PRKCZ: variants seen among roughly 807,000 people sequenced by gnomAD.
The protein encoded by PRKCZ is protein kinase C zeta.
In PRKCZ, 33 loss-of-function variants were observed where a neutral mutation model predicts 79.5. The ratio of observed to expected loss-of-function variants is 0.41; its 90% CI spans 0.31 to 0.55. PRKCZ has a LOEUF of 0.55. Ranked by LOEUF, PRKCZ falls within the 20% of genes least tolerant of loss-of-function variation. The probability of loss-of-function intolerance (pLI) is 0.19; values close to 1 mark genes in which losing one functional copy is unlikely to be tolerated. For missense variants in PRKCZ, 578 were observed against 813.5 expected, an observed-to-expected ratio of 0.71 and a Z score of 3.52; for synonymous variants, 342 against 320.9, an observed-to-expected ratio of 1.07 and a Z score of -0.70.
rs1244306217 is a variant in PRKCZ at position 2,174,456 on chromosome 1, C to T, written c.1406-298C>T. Among the ~76,000 whole-genome samples, 6 of 152,250 alleles carry T rather than the reference C, an allele frequency of 3.9e-5. No individual in the cohort carries two copies. The highest frequency in any genetic ancestry group is 7.2e-5 in the African/African-American group (3 of 41,474). Reference sequence around the variant, plus strand: ...GGATCTGGGAACGCGGCTGTCTCCGCGGTGCCCTCTGGTGGCCAGCCTGCA... The same window carrying T: ...GGATCTGGGAACGCGGCTGTCTCCGTGGTGCCCTCTGGTGGCCAGCCTGCA... On this transcript the variant is annotated intron_variant, in intron 14 of 17. Coordinates refer to ENST00000378567, the MANE Select transcript of PRKCZ (RefSeq NM_002744.6). The surrounding 1 kb of genome is among the most constrained non-coding windows in gnomAD (Gnocchi z 6.2).
chr1:2,176,083 G>C (rs971456055), intron 16 of PRKCZ, among the ~76,000 whole-genome samples: 10 of 152,144 alleles, frequency 6.6e-5, no homozygotes, highest in African/African-American at 2.4e-4. Flanking sequence ...GACGTACACT[G>C]GCTCGATTTA....
At chr1:2,181,058 C>T (rs578202177) in intron 16 of PRKCZ, among the ~76,000 whole-genome samples, 69 of 152,072 alleles carry the variant, frequency 4.5e-4, no homozygotes, top group Non-Finnish European at 9.3e-4. Flanking sequence ...CGGGGCCTAG[C>T]CCAGCCCCCC....
intron 6 of PRKCZ, chr1:2,144,608 A>G (rs1365214752): frequency 1.5e-6 from 2 of 1,297,788 alleles, no homozygotes; most frequent in Non-Finnish European, 2.0e-6. Flanking sequence ...CGCTCTGCTC[A>G]GTGGGTCGGA....
intron 4 of PRKCZ, among the ~76,000 whole-genome samples, chr1:2,088,639 T>C (rs1030533856): frequency 2.6e-5 from 4 of 152,182 alleles, no homozygotes; most frequent in African/African-American, 9.7e-5. Flanking sequence ...CTGTGTGGAA[T>C]GTCACCTCTC....
chr1:2,126,549 G>A (rs1039626977), intron 4 of PRKCZ, among the ~76,000 whole-genome samples: 1 of 151,972 alleles, frequency 6.6e-6, no homozygotes, highest in African/African-American at 2.4e-5. Context: ...TCACATGACC[G>A]CCCTGGGCCC....
At chr1:2,056,662 TA>T in intron 3 of PRKCZ, 89 bp downstream of exon 3, 5 of 1,193,454 alleles carry the variant, frequency 4.2e-6, no homozygotes, top group Non-Finnish European at 5.9e-6. Context: ...TAAAATGGTT[TA>T]AAATCCTATG....
At chr1:2,179,820 G>A (rs1024678145) in intron 16 of PRKCZ, among the ~76,000 whole-genome samples, 4 of 152,114 alleles carry the variant, frequency 2.6e-5, no homozygotes, top group African/African-American at 2.4e-5. Flanking sequence ...ACTTTCCCAC[G>A]TGCGACAGGC....
chr1:2,169,718 G>A (rs1300916785), intron 11 of PRKCZ, 114 bp downstream of exon 11: 3 of 615,274 alleles, frequency 4.9e-6, no homozygotes, highest in South Asian at 2.4e-5. Flanking sequence ...GTGGGTGCGC[G>A]CGGAGTTGGG....
intron 4 of PRKCZ, among the ~76,000 whole-genome samples, chr1:2,060,292 G>A (rs1660557248): frequency 6.6e-6 from 1 of 152,194 alleles, no homozygotes; most frequent in Non-Finnish European, 1.5e-5. Context: ...CTTCAGGCAG[G>A]GCTTCCCCCA....
chr1:2,101,745 G>A (rs1275833838), intron 4 of PRKCZ, among the ~76,000 whole-genome samples: 2 of 152,140 alleles, frequency 1.3e-5, no homozygotes, highest in Admixed American at 6.5e-5. Flanking sequence ...TACTTAGCAG[G>A]TACTTAGCAG....
At chr1:2,065,241 G>A (rs1661018468) in intron 4 of PRKCZ, among the ~76,000 whole-genome samples, 1 of 152,140 alleles carries the variant, frequency 6.6e-6, no homozygotes, top group African/African-American at 2.4e-5. Flanking sequence ...ACTTTCTGTG[G>A]AAACTTTAGG....
intron 1 of PRKCZ, among the ~76,000 whole-genome samples, chr1:2,053,411 C>T (rs978397455): frequency 2.0e-5 from 3 of 152,170 alleles, no homozygotes; most frequent in Non-Finnish European, 4.4e-5. Flanking sequence ...GCTCAGACAA[C>T]GTTTGTGTTC....
Position 2,169,785 on chromosome 1 carries a change from G to C in PRKCZ, c.1061+181G>C, listed in dbSNP as rs1368977262. Among the ~76,000 whole-genome samples the C allele has an allele frequency of 3.8e-4, 49 of 128,896 alleles. 1 individual carries two copies. The highest frequency in any genetic ancestry group is 3.3e-5 in the Non-Finnish European group (2 of 60,316). 84.6% of individuals were successfully genotyped at this position (128,896 alleles called of 152,430 possible). ...GCTGGGTGGGGTGTGCACGGAGGGG[G>C]TATGACGGGGGCGGGGGGGGCGGGG... On this transcript the variant is annotated intron_variant, in intron 11 of 17. Transcript: ENST00000378567.
chr1:2,071,811 T>C (rs1661616933), intron 4 of PRKCZ, among the ~76,000 whole-genome samples: 1 of 151,936 alleles, frequency 6.6e-6, no homozygotes, highest in Non-Finnish European at 1.5e-5. Context: ...GTCTTATGAT[T>C]TTATAGGCCT....
intron 10 of PRKCZ, among the ~76,000 whole-genome samples, chr1:2,164,157 T>C (rs975647129): frequency 1.3e-5 from 2 of 152,202 alleles, no homozygotes; most frequent in Non-Finnish European, 2.9e-5. Flanking sequence ...GATATTCATA[T>C]TGTTTTAGTT....
rs1674196849 is a variant in PRKCZ at position 2,127,623 on chromosome 1, T to C, written c.335-7639T>C. Among the ~76,000 whole-genome samples the C allele has an allele frequency of 6.6e-6, 1 of 152,208 alleles. No individual in the cohort carries two copies. The highest frequency in any genetic ancestry group is 2.4e-5 in the African/African-American group (1 of 41,454). Reference sequence around the variant, plus strand: ...GGGAGCGTTCTGGCCTGAAATGCAGTGGGAGCTCTGGTGCAGGTGTAGCCG... The same window carrying C: ...GGGAGCGTTCTGGCCTGAAATGCAGCGGGAGCTCTGGTGCAGGTGTAGCCG... On this transcript the variant is annotated intron_variant, in intron 4 of 17. Coordinates refer to ENST00000378567, the MANE Select transcript of PRKCZ (RefSeq NM_002744.6). The surrounding 1 kb of genome is among the most constrained non-coding windows in gnomAD (Gnocchi z 5.1).
At chr1:2,100,639 G>T (rs1056604329) in intron 4 of PRKCZ, among the ~76,000 whole-genome samples, 2 of 152,194 alleles carry the variant, frequency 1.3e-5, no homozygotes, top group Non-Finnish European at 2.9e-5. Flanking sequence ...GGGAGCAGGT[G>T]CAGGACAGGG....
At chr1:2,184,548 C>T (rs766230396) in intron 16 of PRKCZ, 35 bp from the exon 17 acceptor site, 9 of 1,542,446 alleles carry the variant, frequency 5.8e-6, no homozygotes, top group South Asian at 1.1e-5. Flanking sequence ...ATGATGCCCG[C>T]GCGGAGCTGA....
intron 4 of PRKCZ, among the ~76,000 whole-genome samples, chr1:2,124,547 C>G (rs949746953): frequency 3.3e-5 from 5 of 152,108 alleles, no homozygotes; most frequent in Non-Finnish European, 5.9e-5. Context: ...AGGCCGCCAG[C>G]AAGCAAGGAG....
Sources: allele counts gnomAD v4.1 joint callset (sites outside exome capture counted in the v4.1 genomes callset), GRCh38; gene constraint gnomAD v4.1.1; non-coding constraint Gnocchi (gnomAD v3.1); transcripts MANE v1.5; gene names NCBI Gene and HGNC (gene_info 2026-07-23, HGNC 2026-07-21).